Variants in SPECC1 observed in about 807,000 individuals in gnomAD.
The protein encoded by SPECC1 is sperm antigen with calponin homology and coiled-coil domains 1.
A neutral mutation model predicts 104.1 loss-of-function variants in SPECC1; 62 were observed. That is an observed-to-expected ratio of 0.60 (90% confidence interval 0.49 to 0.74). SPECC1 has a LOEUF of 0.74. Ranked by LOEUF, SPECC1 falls within the 30% of genes least tolerant of loss-of-function variation. SPECC1 has a pLI of 0.00. For missense variants in SPECC1, 1,306 were observed against 1,310.5 expected (o/e 1.00, Z 0.05); for synonymous variants, 513 against 501.6 (o/e 1.02, Z -0.30).
intron 1 of SPECC1, among the ~76,000 whole-genome samples, chr17:20,063,555 T>C (rs1192958982): frequency 3.9e-5 from 6 of 152,246 alleles, no homozygotes; most frequent in Admixed American, 3.3e-4. Flanking sequence ...TTATTCATTC[T>C]TCATCCTGCT....
chr17:20,207,513 C>T (rs2036865305), intron 4 of SPECC1, among the ~76,000 whole-genome samples: 1 of 152,102 alleles, frequency 6.6e-6, no homozygotes, highest in Admixed American at 6.5e-5. Context: ...CTTTATCAGT[C>T]CCTCTGTGTT....
chr17:20,146,023 G>C (rs1186102895), intron 3 of SPECC1, among the ~76,000 whole-genome samples: 4 of 152,154 alleles, frequency 2.6e-5, no homozygotes, highest in African/African-American at 9.7e-5. Flanking sequence ...CTAACTTCTT[G>C]CATTAGGATG....
intron 1 of SPECC1, among the ~76,000 whole-genome samples, chr17:20,040,930 G>C (rs1186636090): frequency 6.6e-6 from 1 of 152,012 alleles, no homozygotes; most frequent in Non-Finnish European, 1.5e-5. Context: ...CTCTTTCCTG[G>C]ACCCTGATGA....
chr17:20,154,512 C>G (rs1384388518), intron 3 of SPECC1, among the ~76,000 whole-genome samples: 2 of 152,122 alleles, frequency 1.3e-5, no homozygotes, highest in Non-Finnish European at 2.9e-5. Flanking sequence ...GCCGGTGTAG[C>G]AACAGCAATG....
intron 2 of SPECC1, among the ~76,000 whole-genome samples, chr17:20,106,385 G>C (rs537767998): frequency 1.6e-4 from 25 of 152,332 alleles, no homozygotes; most frequent in Non-Finnish European, 2.9e-4. Flanking sequence ...TTTACTCTGA[G>C]ATGGGAAGTG....
chr17:20,288,084 A>G (rs939017040), intron 12 of SPECC1, among the ~76,000 whole-genome samples: 1 of 152,118 alleles, frequency 6.6e-6, no homozygotes, highest in African/African-American at 2.4e-5. Flanking sequence ...TTTGCTGAGG[A>G]AAGGGGCTTC....
rs868346349 is a variant in SPECC1 at position 20,208,919 on chromosome 17, C to T, written c.1863+3007C>T. 1.2e-4 allele frequency among the ~76,000 whole-genome samples: 18 copies of T among 152,256 alleles called. 1 individual carries two copies. Among genetic ancestry groups the T allele is most frequent in the South Asian group, 8.3e-4 (4 of 4,830 alleles). On this transcript the variant is annotated intron_variant, in intron 4 of 14. Transcript: ENST00000395527. ...GGCTCAAGCAATCCTCCCACCTCAG[C>T]CTTTCTGGGTAGCTGGGACTGCAGC...
intron 4 of SPECC1, among the ~76,000 whole-genome samples, chr17:20,221,533 T>A (rs534645487): frequency 3.9e-5 from 6 of 151,996 alleles, no homozygotes; most frequent in Non-Finnish European, 7.3e-5. Flanking sequence ...TGATTTTATT[T>A]AATTGGGTCT....
At position 20,318,393 on chromosome 17, in the gene SPECC1, G is replaced by T. The variant is rs2042065846; in HGVS notation, c.*4328G>T. 2 of 231,530 alleles carry T rather than the reference G, an allele frequency of 8.6e-6. No individual in the cohort carries two copies. Among genetic ancestry groups the T allele is most frequent in the East Asian group, 1.2e-4 (2 of 16,388 alleles). The allele number at this position is 231,530 out of a possible 1,614,324, so 14.3% of individuals were successfully genotyped here. On this transcript the variant is annotated 3_prime_UTR_variant, in exon 15 of 15. Coordinates refer to ENST00000395527, the MANE Select transcript of SPECC1 (RefSeq NM_001243439.2). ...TATTTTCCTTTTTCATTCAGTTTTT[G>T]TTTTACAGCTTTTGTAGAGACCAAC...
At chr17:20,179,792 G>A (rs561823523) in intron 3 of SPECC1, among the ~76,000 whole-genome samples, 13 of 152,318 alleles carry the variant, frequency 8.5e-5, no homozygotes, top group Non-Finnish European at 2.9e-5. Flanking sequence ...ACAGTAGAGA[G>A]CAGTGAATGT....
At chr17:20,298,016 G>A (rs558327751) in intron 13 of SPECC1, among the ~76,000 whole-genome samples, 3 of 152,320 alleles carry the variant, frequency 2.0e-5, no homozygotes, top group African/African-American at 7.2e-5. Flanking sequence ...CAGAGTGACG[G>A]GGATCACATT....
In SPECC1 at chr17:20,204,977, C is replaced by T. The variant is rs751744931; in HGVS notation, c.928C>T (p.Arg310Trp). The T allele has an allele frequency of 2.4e-5, 39 of 1,614,032 alleles. No individual in the cohort carries two copies. The highest frequency in any genetic ancestry group is 1.6e-4 in the Middle Eastern group (1 of 6,084). Reference protein sequence around the residue: ...YKKNIHGNALRTSGSSSSDVT... With the variant: ...YKKNIHGNALWTSGSSSSDVT... Reference sequence around the variant, plus strand: ...AAAAAACATACATGGAAATGCATTACGGACATCAGGCTCCTCAAGTAGCGA... The same window carrying T: ...AAAAAACATACATGGAAATGCATTATGGACATCAGGCTCCTCAAGTAGCGA... The change falls in exon 4 of 15, where the codon CGG (arginine) becomes TGG (tryptophan). Residue 310 changes from arginine (R) to tryptophan (W), a missense_variant. Around this residue, in one of 2 missense-constraint regions of SPECC1, gnomAD observed 1,177 missense variants for 1,139.9 expected, o/e 1.03. Coordinates refer to ENST00000395527, the MANE Select transcript of SPECC1 (RefSeq NM_001243439.2).
chr17:20,202,510 CAG>C (rs1161469172), intron 3 of SPECC1, among the ~76,000 whole-genome samples: 1 of 152,152 alleles, frequency 6.6e-6, no homozygotes, highest in Non-Finnish European at 1.5e-5. Context: ...TCGCTTCAGA[CAG>C]ATGATTCATT....
At chr17:20,123,245 TGGGATCC>T (rs1437713346) in intron 3 of SPECC1, among the ~76,000 whole-genome samples, 1 of 152,216 alleles carries the variant, frequency 6.6e-6, no homozygotes, top group Non-Finnish European at 1.5e-5. Flanking sequence ...ATAGCACACG[TGGGATCC>T]AAAGACATGT....
intron 7 of SPECC1, among the ~76,000 whole-genome samples, chr17:20,242,104 A>C (rs1453033941): frequency 6.6e-6 from 1 of 152,228 alleles, no homozygotes; most frequent in Admixed American, 6.5e-5. Context: ...GTGGTGCCAT[A>C]CAACACTACC....
At chr17:20,123,261 G>A (rs1209138906) in intron 3 of SPECC1, among the ~76,000 whole-genome samples, 1 of 152,194 alleles carries the variant, frequency 6.6e-6, no homozygotes, top group Non-Finnish European at 1.5e-5. Context: ...CCAAAGACAT[G>A]TCACTATTTT....
Position 20,108,471 on chromosome 17 carries a change from CAGA to C in SPECC1, c.148-1953_148-1951del, listed in dbSNP as rs537631941. Among the ~76,000 whole-genome samples, 17 of 152,240 alleles carry C rather than the reference CAGA, an allele frequency of 1.1e-4. No homozygotes were observed. The South Asian group carries it at 2.9e-3, about 26-fold the overall frequency. ...CAATATGTTGAACGTTCCAGCACCCCAGAAGGTTTCTTTTTGGTTGTAACTCCC... is the reference window on the plus strand; with the variant it reads ...CAATATGTTGAACGTTCCAGCACCCCAGGTTTCTTTTTGGTTGTAACTCCC... On this transcript the variant is annotated intron_variant, in intron 2 of 14. Coordinates refer to ENST00000395527, the MANE Select transcript of SPECC1 (RefSeq NM_001243439.2).
intron 1 of SPECC1, among the ~76,000 whole-genome samples, chr17:20,038,042 TATA>T (rs2045162668): frequency 1.3e-5 from 2 of 152,200 alleles, no homozygotes; most frequent in African/African-American, 4.8e-5. Context: ...TTGTCAAATT[TATA>T]ATGTGTAGAG....
At chr17:20,182,096 A>G (rs2034932590) in intron 3 of SPECC1, among the ~76,000 whole-genome samples, 1 of 124,240 alleles carries the variant, frequency 8.0e-6, no homozygotes, top group Non-Finnish European at 1.6e-5. Context: ...ACAAACCTCA[A>G]TTTTTTCTTT....
Sources: gnomAD v4.1 joint callset for allele counts (sites outside exome capture counted in the v4.1 genomes callset) on GRCh38, gnomAD v4.1.1 for gene constraint, gnomAD v4.1.1 regional missense constraint, MANE v1.5 for transcripts, NCBI Gene and HGNC (gene_info 2026-07-23, HGNC 2026-07-21) for gene names.